The following SURF1 variants were observed in gnomAD, a reference collection of about 807,000 sequenced individuals.
SURF1 encodes the protein surfeit locus protein 1.
Under a neutral mutation model 34.1 loss-of-function variants are expected in SURF1, and 45 were observed. That is an observed-to-expected ratio of 1.32 (90% CI 1.04 to 1.69). SURF1 has a LOEUF of 1.69. Among genes scored for constraint, SURF1 ranks in the 40% most tolerant of loss-of-function variants. The probability of loss-of-function intolerance (pLI) is 0.00; values close to 1 mark genes in which losing one functional copy is unlikely to be tolerated. For missense variants in SURF1, 456 were observed against 384.6 expected (o/e 1.19, Z -1.55); for synonymous variants, 188 against 147.5 (o/e 1.27, Z -1.99).
rs2130020149 is a variant in SURF1, at chr9:133,354,976, C to T, written c.107-19G>A. The T allele has an allele frequency of 1.7e-5, 28 of 1,612,414 alleles. No homozygotes were observed. In the Admixed American group the frequency reaches 4.7e-4, roughly 27 times the overall value. The stretch of plus-strand genomic sequence containing the variant: ...GCCACCCCTGGAGAGTTTCACAACA[C>T]TGACATGGAGCCAGAAGCCCTCGAA... On this transcript the variant is annotated intron_variant, in intron 2 of 8. Transcript: ENST00000371974.
Position 133,353,042 on chromosome 9 carries a change from C to T in SURF1, c.516-276G>A, listed in dbSNP as rs2130011877. On this transcript the variant is annotated intron_variant, in intron 5 of 8. Transcript: ENST00000371974. Reference sequence around the variant, plus strand: ...GCTTCTTGTGGTCTACCTACTACAACGTGCAACTGGTGAGCAACGCTGCCA... The same window carrying T: ...GCTTCTTGTGGTCTACCTACTACAATGTGCAACTGGTGAGCAACGCTGCCA... Among the ~76,000 whole-genome samples the T allele has an allele frequency of 2.0e-3, 309 of 152,330 alleles. 1 individual carries two copies. The highest frequency in any genetic ancestry group is 7.0e-3 in the African/African-American group (290 of 41,562).
At chr9:133,356,366 G>GCCCCCCC in intron 1 of SURF1, 34 bp downstream of exon 1, 3 of 1,343,372 alleles carry the variant, frequency 2.2e-6, no homozygotes, top group Non-Finnish European at 2.9e-6. Context: ...CCCTCCCCGC[G>GCCCCCCC]CCCCGCACCC....
rs1588693841 is a variant in SURF1, at chr9:133,356,426, C to CCAGCTGCAACGCAGCCA, written c.11_27dup (p.Gly10TrpfsTer68). On this transcript the variant is annotated frameshift_variant, in exon 1 of 9. Coordinates refer to ENST00000371974, the MANE Select transcript of SURF1 (RefSeq NM_003172.4). LOFTEE classifies it high-confidence loss of function. ...CGTCCCAGCCCCGCCGCCCGCAGCC[C>CCAGCTGCAACGCAGCCA]CAGCTGCAACGCAGCCACCGCCGCC... 2.1e-6 allele frequency: 3 copies of CCAGCTGCAACGCAGCCA among 1,404,434 alleles called. No homozygotes were observed. The highest frequency in any genetic ancestry group is 2.8e-6 in the Non-Finnish European group (3 of 1,080,474). 87.0% of individuals were successfully genotyped at this position (1,404,434 alleles called of 1,614,324 possible).
intron 4 of SURF1, 65 bp downstream of exon 4, chr9:133,354,594 A>G (rs1427200775): frequency 1.3e-6 from 2 of 1,596,156 alleles, no homozygotes; most frequent in East Asian, 2.2e-5. Context: ...GCTGGCCAGC[A>G]GAAGCCAGGG....
rs145615218 is a variant in SURF1 at position 133,353,914 on chromosome 9, T to G, written c.350A>C (p.Tyr117Ser). 2.8e-4 allele frequency: 450 copies of G among 1,613,782 alleles called. No individual in the cohort carries two copies. Among genetic ancestry groups the G allele is most frequent in the Non-Finnish European group, 3.6e-4 (428 of 1,180,030 alleles). The change falls in exon 5 of 9, where the codon TAT becomes TCT. Residue 117 changes from tyrosine to serine, a missense_variant. Transcript: ENST00000371974. Reference sequence around the variant, plus strand: ...GCACCCCCTGACCTTCACTGGCCTATACTCCAGATTTTTCAGTTCCATTGG... The same window carrying G: ...GCACCCCCTGACCTTCACTGGCCTAGACTCCAGATTTTTCAGTTCCATTGG... The part of the protein sequence containing the change: ...ADPMELKNLE[Y>S]RPVKVRGCFD...
intron 2 of SURF1, among the ~76,000 whole-genome samples, chr9:133,355,721 T>C (rs2130022576): frequency 3.9e-5 from 6 of 152,086 alleles, no homozygotes; most frequent in Non-Finnish European, 7.3e-5. Context: ...TCATCGTAAA[T>C]GTAAAGAGGG....
chr9:133,352,378 G>C (rs2130006439), intron 7 of SURF1, 68 bp downstream of exon 7: 2 of 1,611,032 alleles, frequency 1.2e-6, no homozygotes, highest in Admixed American at 3.3e-5. Context: ...ACTGGGCAAT[G>C]AGGGTTAGGA....
intron 2 of SURF1, 27 bp downstream of exon 2, chr9:133,356,242 G>A: frequency 6.5e-7 from 1 of 1,533,774 alleles, no homozygotes; most frequent in Admixed American, 2.0e-5. Context: ...CAGGCGCCTG[G>A]ATCACAGCCC....
In SURF1 at chr9:133,352,593, C is replaced by A. The variant is rs2130008182; in HGVS notation, c.604G>T (p.Asp202Tyr). 2 of 1,614,148 alleles carry A rather than the reference C, an allele frequency of 1.2e-6. No individual in the cohort carries two copies. Among genetic ancestry groups the A allele is most frequent in the East Asian group, 4.5e-5 (2 of 44,880 alleles). Residue 202 changes from aspartate to tyrosine, a missense_variant, in exon 7 of 9, where the codon GAC becomes TAC. Asp to Tyr is a radical substitution (Grantham distance 160). Coordinates refer to ENST00000371974, the MANE Select transcript of SURF1 (RefSeq NM_003172.4). ...RQKGQIEGEV[D>Y]LIGMVRLTET... ...GTCAGCCTCACCATCCCAATGAGGT[C>A]CACTTCTCCCTCAATCTATAAAGGA...
chr9:133,354,028 C>T, intron 4 of SURF1, 88 bp from the exon 5 acceptor site: 1 of 1,488,436 alleles, frequency 6.7e-7, no homozygotes, highest in Non-Finnish European at 9.3e-7. Flanking sequence ...CCACCAGGGC[C>T]AGACAAGTGA....
intron 4 of SURF1, chr9:133,354,252 G>A (rs1297008006): frequency 5.9e-6 from 3 of 511,806 alleles, no homozygotes; most frequent in Non-Finnish European, 1.1e-5. Context: ...GGAAAATGTG[G>A]CTGAATATAC....
chr9:133,356,237 G>T, intron 2 of SURF1, 32 bp downstream of exon 2: 2 of 1,533,596 alleles, frequency 1.3e-6, no homozygotes, highest in Non-Finnish European at 1.7e-6. Context: ...CTGCCCAGGC[G>T]CCTGGATCAC....
chr9:133,355,319 G>A (rs1302811305), intron 2 of SURF1, among the ~76,000 whole-genome samples: 1 of 152,164 alleles, frequency 6.6e-6, no homozygotes, highest in African/African-American at 2.4e-5. Context: ...GGTGGCTCAC[G>A]CCTGTAATCC....
rs2130001995 is a variant in SURF1, at chr9:133,351,821, G to A, written c.*92C>T. ...GTCATGAGCTCATTTAAGGTAGAAG[G>A]CCAGAACTTTATACCAGTAGCACAT... is the stretch of plus-strand genomic sequence containing the variant. On this transcript the variant is annotated 3_prime_UTR_variant, in exon 9 of 9. Coordinates refer to ENST00000371974, the MANE Select transcript of SURF1 (RefSeq NM_003172.4). 5.7e-5 allele frequency: 80 copies of A among 1,400,076 alleles called. No homozygotes were observed. Among genetic ancestry groups the A allele is most frequent in the Middle Eastern group, 1.8e-4 (1 of 5,690 alleles). The allele number at this position is 1,400,076 out of a possible 1,614,324, so 86.7% of individuals were successfully genotyped here.
At chr9:133,355,007 A>G (rs2130020366) in intron 2 of SURF1, 50 bp from the exon 3 acceptor site, 2 of 1,608,020 alleles carry the variant, frequency 1.2e-6, no homozygotes, top group South Asian at 1.1e-5. Flanking sequence ...TCGAACACAG[A>G]CCTGGAGCAG....
In SURF1 at chr9:133,352,543, A is replaced by G. The variant is rs1836454139; in HGVS notation, c.654T>C (p.Pro218=). The part of the protein sequence containing the change: ...RLTETRQPFV[P]ENNPERNHWH... ...AGTGGTTCCTTTCTGGATTGTTCTC[A>G]GGGACAAAAGGCTGCCTGGTTTCTG... Residue 218 remains proline (P), a synonymous_variant, in exon 7 of 9, where the codon CCT becomes CCC. Coordinates refer to ENST00000371974, the MANE Select transcript of SURF1 (RefSeq NM_003172.4). 21 of 1,614,214 alleles carry G rather than the reference A, an allele frequency of 1.3e-5. No individual in the cohort carries two copies. Among genetic ancestry groups the G allele is most frequent in the Non-Finnish European group, 1.4e-5 (17 of 1,180,042 alleles).
Position 133,352,768 on chromosome 9 carries a change from T to A in SURF1, c.516-2A>T. On this transcript the variant is annotated splice_acceptor_variant, in intron 5 of 8. Transcript: ENST00000371974. LOFTEE classifies it high-confidence loss of function. ...CCTCTATTTACCAGGATGGTGACTC[T>A]AGGGTAATGAAAGTGCTACTTCAGG... 1 of 1,609,748 alleles carries A rather than the reference T, an allele frequency of 6.2e-7. No individual in the cohort carries two copies. Among genetic ancestry groups the A allele is most frequent in the Non-Finnish European group, 8.5e-7 (1 of 1,178,422 alleles).
chr9:133,356,412 C>A lies in SURF1; in HGVS notation c.42G>T (p.Ala14=), dbSNP rs1456292063. 2.7e-6 allele frequency: 3 copies of A among 1,100,976 alleles called. No individual in the cohort carries two copies. Among genetic ancestry groups the A allele is most frequent in the Non-Finnish European group, 3.6e-6 (3 of 840,384 alleles). The allele number at this position is 1,100,976 out of a possible 1,614,324, so 68.2% of individuals were successfully genotyped here. A position where few individuals can be genotyped will look rare whatever the true frequency, so the allele number is the denominator to read the frequency against. Residue 14 remains alanine, a synonymous_variant, in exon 1 of 9, where the codon GCG becomes GCT. Coordinates refer to ENST00000371974, the MANE Select transcript of SURF1 (RefSeq NM_003172.4). ...VAALQLGLRA[A]GLGRAPASAA... is the part of the protein sequence containing the mutation. ...ACCCGGCGCTCACCCGTCCCAGCCCCGCCGCCCGCAGCCCCAGCTGCAACG... is the reference window on the plus strand; with the variant it reads ...ACCCGGCGCTCACCCGTCCCAGCCCAGCCGCCCGCAGCCCCAGCTGCAACG...
chr9:133,352,679 G>A lies in SURF1; in HGVS notation c.588+15C>T. ...CAGAGCCTTCTCTAAAGTAGGAAGA[G>A]TCCATGTCCCTTACCTGGCCTTTCT... is the stretch of plus-strand genomic sequence containing the variant. On this transcript the variant is annotated intron_variant, in intron 6 of 8. Transcript: ENST00000371974. 6.2e-7 allele frequency: 1 copy of A among 1,613,780 alleles called. No individual in the cohort carries two copies. Among genetic ancestry groups the A allele is most frequent in the Non-Finnish European group, 8.5e-7 (1 of 1,179,892 alleles).
Sources: gnomAD v4.1 joint callset for allele counts (sites outside exome capture counted in the v4.1 genomes callset) on GRCh38, gnomAD v4.1.1 for gene constraint, MANE v1.5 for transcripts, NCBI Gene and HGNC (gene_info 2026-07-23, HGNC 2026-07-21) for gene names.